TSPAN11: variants seen among roughly 807,000 people sequenced by gnomAD.
TSPAN11 encodes the protein tetraspanin-11.
A neutral mutation model predicts 32.9 loss-of-function variants in TSPAN11; 29 were observed. That is an observed-to-expected ratio of 0.88 (90% CI 0.66 to 1.20). The LOEUF is 1.20. Ranked by LOEUF, TSPAN11 falls within the 50% of genes most tolerant of loss-of-function variation. TSPAN11 has a pLI of 0.00. For missense variants in TSPAN11, 283 were observed against 329.1 expected (o/e 0.86, Z 1.08); for synonymous variants, 140 against 141.3 (o/e 0.99, Z 0.07).
the TSPAN11 span, among the ~76,000 whole-genome samples, chr12:31,010,853 C>T: frequency 6.6e-6 from 1 of 151,926 alleles, no homozygotes; most frequent in South Asian, 2.1e-4. Flanking sequence ...CTCCTCCAAC[C>T]CTTCATGAGA....
chr12:31,003,158 G>A, the TSPAN11 span, among the ~76,000 whole-genome samples: 1 of 152,268 alleles, frequency 6.6e-6, no homozygotes, highest in African/African-American at 2.4e-5. Context: ...GAAGCAGACA[G>A]TGAGGGAATT....
chr12:30,958,931 G>A (rs1443906696), intron 2 of TSPAN11, among the ~76,000 whole-genome samples: 1 of 152,114 alleles, frequency 6.6e-6, no homozygotes, highest in Non-Finnish European at 1.5e-5. Context: ...CGCAACCCCA[G>A]CCTTTCCAGG....
intron 7 of TSPAN11, among the ~76,000 whole-genome samples, chr12:30,985,743 G>A (rs1939188640): frequency 6.6e-6 from 1 of 152,200 alleles, no homozygotes; most frequent in Non-Finnish European, 1.5e-5. Flanking sequence ...GAGGCTGAGG[G>A]CAGGGAGCAG....
chr12:31,007,719 T>A, the TSPAN11 span, among the ~76,000 whole-genome samples: 1 of 152,106 alleles, frequency 6.6e-6, no homozygotes, highest in Non-Finnish European at 1.5e-5. Flanking sequence ...AATAAATTAG[T>A]GAATGGGAAG....
At chr12:31,005,023 C>T in the TSPAN11 span, among the ~76,000 whole-genome samples, 3 of 152,236 alleles carry the variant, frequency 2.0e-5, no homozygotes, top group African/African-American at 4.8e-5. Flanking sequence ...GTCCTCTCCA[C>T]GCATTCTGAG....
Position 30,975,461 on chromosome 12 carries a change from G to A in TSPAN11, c.277-3100G>A, listed in dbSNP as rs1264391759. Reference sequence around the variant, plus strand: ...CCCCTTCCAGGCATCTTAACACACTGGAGCTCGAGAAGGCTATCCCCACAC... The same window carrying A: ...CCCCTTCCAGGCATCTTAACACACTAGAGCTCGAGAAGGCTATCCCCACAC... On this transcript the variant is annotated intron_variant, in intron 3 of 7. Transcript: ENST00000546076. This position sits in a 1 kb window ranked among gnomAD's most constrained non-coding sequence, Gnocchi z 4.5. Among the ~76,000 whole-genome samples, 2 of 152,052 alleles carry A rather than the reference G, an allele frequency of 1.3e-5. No homozygotes were observed. Among genetic ancestry groups the A allele is most frequent in the East Asian group, 1.9e-4 (1 of 5,172 alleles).
the TSPAN11 span, among the ~76,000 whole-genome samples, chr12:31,016,239 G>C: frequency 6.6e-6 from 1 of 152,216 alleles, no homozygotes; most frequent in East Asian, 1.9e-4. Flanking sequence ...GGCCGCCAGG[G>C]ATGGGGACGC....
the TSPAN11 span, among the ~76,000 whole-genome samples, chr12:31,009,285 C>T: frequency 0.012 from 1,775 of 152,310 alleles, 33 homozygotes; most frequent in African/African-American, 0.034. Context: ...CCCACCTCCT[C>T]CTCCAGGCCT....
At chr12:30,970,880 C>T (rs1193607832) in intron 3 of TSPAN11, among the ~76,000 whole-genome samples, 1 of 152,206 alleles carries the variant, frequency 6.6e-6, no homozygotes, top group Non-Finnish European at 1.5e-5. Flanking sequence ...CACCTCTGAG[C>T]CCACTGCAGT....
intron 1 of TSPAN11, among the ~76,000 whole-genome samples, chr12:30,936,872 A>G (rs1012158018): frequency 1.3e-5 from 2 of 152,214 alleles, no homozygotes; most frequent in Non-Finnish European, 2.9e-5. Context: ...GAGGCAAAGC[A>G]CAGAATGTTC....
chr12:30,971,045 G>A (rs754288393), intron 3 of TSPAN11, among the ~76,000 whole-genome samples: 4 of 152,142 alleles, frequency 2.6e-5, no homozygotes, highest in African/African-American at 4.8e-5. Context: ...TGGGAGCCTC[G>A]GGCTGGGCTC....
intron 1 of TSPAN11, among the ~76,000 whole-genome samples, chr12:30,949,537 T>C (rs1321027068): frequency 6.6e-6 from 1 of 152,142 alleles, no homozygotes; most frequent in East Asian, 1.9e-4. Context: ...TTCACTATCA[T>C]GAGAATAGTA....
intron 3 of TSPAN11, among the ~76,000 whole-genome samples, chr12:30,967,060 A>G (rs549091043): frequency 6.6e-6 from 1 of 152,268 alleles, no homozygotes. Context: ...GAATAGTGTA[A>G]TCATAGGAGC....
chr12:30,990,143 TGTGTGTGTGCAA>T (rs1939282737), intron 7 of TSPAN11, among the ~76,000 whole-genome samples: 1 of 152,034 alleles, frequency 6.6e-6, no homozygotes, highest in Non-Finnish European at 1.5e-5. Flanking sequence ...TTCACGTGTG[TGTGTGTGTGCAA>T]GTGTGTGTGT....
chr12:30,927,047 CTA>C lies in TSPAN11; in HGVS notation c.-12+253_-12+254del, dbSNP rs1274152564. On this transcript the variant is annotated intron_variant, in intron 1 of 7. Coordinates refer to ENST00000546076, the MANE Select transcript of TSPAN11 (RefSeq NM_001370302.1). Reference sequence around the variant, plus strand: ...GGGACACGCAACACGGTGTCCATAACTATGCGCATGAGTCTGCCTTTCTGCAC... The same window carrying C: ...GGGACACGCAACACGGTGTCCATAACTGCGCATGAGTCTGCCTTTCTGCAC... 4 of 1,277,230 alleles carry C rather than the reference CTA, an allele frequency of 3.1e-6. No individual in the cohort carries two copies. In the African/African-American group the frequency reaches 6.2e-5, roughly 20 times the overall value. 79.1% of individuals were successfully genotyped at this position (1,277,230 alleles called of 1,614,324 possible). A position where few individuals can be genotyped will look rare whatever the true frequency, so the allele number is the denominator to read the frequency against.
chr12:31,013,336 A>G, the TSPAN11 span, among the ~76,000 whole-genome samples: 1 of 152,116 alleles, frequency 6.6e-6, no homozygotes, highest in African/African-American at 2.4e-5. Context: ...GCTCACACCT[A>G]TAATCCCAGA....
At chr12:30,981,897 C>T (rs4931404) in intron 5 of TSPAN11, among the ~76,000 whole-genome samples, 5,080 of 152,292 alleles carry the variant, frequency 0.033, 126 homozygotes, top group Middle Eastern at 0.071. Context: ...ATCTCAGTGC[C>T]GCAACTGGGA....
intron 1 of TSPAN11, among the ~76,000 whole-genome samples, chr12:30,946,410 A>G (rs112953935): frequency 2.6e-5 from 4 of 152,234 alleles, no homozygotes; most frequent in African/African-American, 9.6e-5. Context: ...CACCCCGAGA[A>G]GACAGTAACA....
Position 30,982,601 on chromosome 12 carries a change from G to A in TSPAN11, c.526G>A (p.Glu176Lys), listed in dbSNP as rs202130566. Residue 176 changes from glutamate (E) to lysine (K), a missense_variant, in exon 6 of 8, where the codon GAG becomes AAG. By Grantham distance (56) the Glu-to-Lys change is moderately conservative. Transcript: ENST00000546076. Reference sequence around the variant, plus strand: ...CACGTACATCCTGTTGCGGGAGGCCGAGGGCCGCCAGGTGCCCGACAGCTG... The same window carrying A: ...CACGTACATCCTGTTGCGGGAGGCCAAGGGCCGCCAGGTGCCCGACAGCTG... ...HSTYILLREA[E>K]GRQVPDSCCK... is the part of the protein sequence containing the mutation. 98 of 1,612,776 alleles carry A rather than the reference G, an allele frequency of 6.1e-5. No individual in the cohort carries two copies. The highest frequency in any genetic ancestry group is 7.7e-5 in the South Asian group (7 of 91,052).
Sources: allele counts gnomAD v4.1 joint callset (sites outside exome capture counted in the v4.1 genomes callset), GRCh38; gene constraint gnomAD v4.1.1; non-coding constraint Gnocchi (gnomAD v3.1); transcripts MANE v1.5; gene names NCBI Gene and HGNC (gene_info 2026-07-23, HGNC 2026-07-21).